ERAP1: variants seen among roughly 807,000 people sequenced by gnomAD.
The protein encoded by ERAP1 is endoplasmic reticulum aminopeptidase 1.
A neutral mutation model predicts 103.7 loss-of-function variants in ERAP1; 86 were observed. The ratio of observed to expected loss-of-function variants is 0.83; its 90% confidence interval spans 0.70 to 0.99. The LOEUF (loss-of-function observed/expected upper bound fraction) is 0.99, where lower values mean the gene tolerates loss of function less well. Among genes scored for constraint, ERAP1 ranks in the 50% least tolerant of loss-of-function variants. The pLI is 0.00. For synonymous variants in ERAP1, 398 were observed against 402.4 expected (o/e 0.99, Z 0.13); for missense variants, 1,009 against 1,128.4 (o/e 0.89, Z 1.52).
chr5:96,805,824 G>A (rs193270356), intron 1 of ERAP1: 2 of 152,392 alleles, frequency 1.3e-5, no homozygotes, highest in African/African-American at 4.8e-5. Context: ...AAGGTGGCAG[G>A]TTCAAGCATG....
chr5:96,918,868 A>C, the ERAP1 span: 1 of 152,186 alleles, frequency 6.6e-6, no homozygotes, highest in African/African-American at 2.4e-5. Context: ...GCATTTCTTC[A>C]TATTTTAAGG....
chr5:96,764,250 A>G (rs1309369120), intron 19 of ERAP1, among the ~76,000 whole-genome samples: 1 of 152,216 alleles, frequency 6.6e-6, no homozygotes, highest in African/African-American at 2.4e-5. Flanking sequence ...ATTGTTTTAA[A>G]TGCCTTTTCA....
the ERAP1 span, chr5:96,917,443 T>C: frequency 6.2e-7 from 1 of 1,606,070 alleles, no homozygotes; most frequent in Admixed American, 1.7e-5. Context: ...TAGTAATTTT[T>C]TTCTTCAATA....
chr5:96,863,754 C>A, the ERAP1 span, among the ~76,000 whole-genome samples: 67 of 152,062 alleles, frequency 4.4e-4, no homozygotes, highest in Non-Finnish European at 7.6e-4. Flanking sequence ...GTTATTAGTT[C>A]TTCAAGCTAG....
intron 19 of ERAP1, among the ~76,000 whole-genome samples, chr5:96,765,732 A>T (rs952105928): frequency 7.2e-5 from 11 of 152,226 alleles, no homozygotes; most frequent in Non-Finnish European, 1.6e-4. Flanking sequence ...AGAAAAAAAG[A>T]AAAAGATATT....
the ERAP1 span, among the ~76,000 whole-genome samples, chr5:96,837,144 C>G: frequency 6.6e-6 from 1 of 151,864 alleles, no homozygotes; most frequent in African/African-American, 2.4e-5. Flanking sequence ...GCATCAATTC[C>G]TCATGATAGT....
intron 8 of ERAP1, 63 bp downstream of exon 8, chr5:96,791,998 C>T: frequency 6.3e-7 from 1 of 1,589,392 alleles, no homozygotes. Context: ...CCTATAACTT[C>T]TCCACCCCAG....
the ERAP1 span, among the ~76,000 whole-genome samples, chr5:96,836,000 A>G: frequency 6.6e-6 from 1 of 152,180 alleles, no homozygotes. Context: ...TTCACTTGAC[A>G]AAAGAAGGAA....
intron 14 of ERAP1, among the ~76,000 whole-genome samples, 188 bp downstream of exon 14, chr5:96,783,736 G>A (rs1775568980): frequency 4.1e-5 from 1 of 24,362 alleles, no homozygotes; most frequent in Non-Finnish European, 7.3e-5. Flanking sequence ...TATTTTTAGT[G>A]CCAAATAAAA....
At chr5:96,796,649 C>T (rs2150974586) in intron 4 of ERAP1, among the ~76,000 whole-genome samples, 1 of 152,230 alleles carries the variant, frequency 6.6e-6, no homozygotes, top group East Asian at 1.9e-4. Context: ...ATGACTCAGG[C>T]CAGGCCACAC....
intron 19 of ERAP1, among the ~76,000 whole-genome samples, chr5:96,768,183 A>C (rs1423194610): frequency 1.3e-5 from 2 of 152,170 alleles, no homozygotes; most frequent in Non-Finnish European, 2.9e-5. Context: ...TCCTGGGCTC[A>C]AGCAATCCTC....
At chr5:96,840,759 G>T in the ERAP1 span, among the ~76,000 whole-genome samples, 3 of 150,530 alleles carry the variant, frequency 2.0e-5, no homozygotes, top group Admixed American at 6.6e-5. Flanking sequence ...ATACTGGAGT[G>T]CAGTGGCATG....
chr5:96,781,922 C>CT (rs1464516202), intron 15 of ERAP1, 68 bp from the exon 16 acceptor site: 2 of 1,494,330 alleles, frequency 1.3e-6, no homozygotes, highest in African/African-American at 1.4e-5. Context: ...ATAATGGTGA[C>CT]TAACTATGAA....
At chr5:96,895,253 G>A in the ERAP1 span, 1 of 1,605,356 alleles carries the variant, frequency 6.2e-7, no homozygotes, top group East Asian at 2.2e-5. Context: ...TAGTGGTTTG[G>A]CAACCTGGTC....
chr5:96,846,289 T>G, the ERAP1 span, among the ~76,000 whole-genome samples: 1 of 152,228 alleles, frequency 6.6e-6, no homozygotes, highest in East Asian at 1.9e-4. Flanking sequence ...CATCAAAGTT[T>G]GAGAGCCACT....
chr5:96,789,443 C>T (rs113903791), intron 10 of ERAP1, among the ~76,000 whole-genome samples: 13,936 of 151,774 alleles, frequency 0.092, 846 homozygotes, highest in Middle Eastern at 0.16. Flanking sequence ...GCCGAGATCA[C>T]GCCACTGCAC....
chr5:96,774,509 T>A lies in ERAP1; in HGVS notation c.*1887A>T. 1 of 986,532 alleles carries A rather than the reference T, an allele frequency of 1.0e-6. No homozygotes were observed. Among genetic ancestry groups the A allele is most frequent in the Non-Finnish European group, 1.2e-6 (1 of 829,796 alleles). The allele number at this position is 986,532 out of a possible 1,614,324, so 61.1% of individuals were successfully genotyped here. A position where few individuals can be genotyped will look rare whatever the true frequency, so the allele number is the denominator to read the frequency against. ...TTAGAGGCAAAGAACAATTTTTTAT[T>A]ATCAAAAAGGTTTCTGCACATTGTT... On this transcript the variant is annotated 3_prime_UTR_variant, in exon 19 of 19. Transcript: ENST00000443439.
the ERAP1 span, among the ~76,000 whole-genome samples, chr5:96,905,832 AGCCTGGG>A: frequency 6.6e-6 from 1 of 152,218 alleles, no homozygotes; most frequent in Non-Finnish European, 1.5e-5. Flanking sequence ...ACTGAACTCC[AGCCTGGG>A]TGACCGAATA....
chr5:96,874,180 A>AAGAAAGAG, the ERAP1 span, among the ~76,000 whole-genome samples: 18 of 82,320 alleles, frequency 2.2e-4, no homozygotes, highest in African/African-American at 8.6e-4. Flanking sequence ...GAAAGAAAGA[A>AAGAAAGAG]AGAGAGAGAG....
Sources: allele counts gnomAD v4.1 joint callset (sites outside exome capture counted in the v4.1 genomes callset), GRCh38; gene constraint gnomAD v4.1.1; transcripts MANE v1.5; gene names NCBI Gene and HGNC (gene_info 2026-07-23, HGNC 2026-07-21).